The following CDH13 variants were observed in gnomAD, a reference collection of about 807,000 sequenced individuals.
The protein encoded by CDH13 is cadherin 13, also known as cadherin-13.
In CDH13, 24 loss-of-function variants were observed where a neutral mutation model predicts 63.8. The observed-to-expected ratio is 0.38, with a 90% CI of 0.27 to 0.53. The LOEUF (loss-of-function observed/expected upper bound fraction) is 0.53. Ranked by LOEUF, CDH13 falls within the 20% of genes least tolerant of loss-of-function variation. The pLI is 0.85. For missense variants in CDH13, 1,049 were observed against 903.1 expected, an observed-to-expected ratio of 1.16 and a Z score of -2.07; for synonymous variants, 503 against 355.3, an observed-to-expected ratio of 1.42 and a Z score of -4.67.
chr16:83,102,364 G>C (rs564483704), intron 3 of CDH13, among the ~76,000 whole-genome samples: 1 of 152,180 alleles, frequency 6.6e-6, no homozygotes, highest in African/African-American at 2.4e-5. Flanking sequence ...GCTATCTGGC[G>C]GAAGAGATAC....
chr16:83,457,090 G>A (rs1436130129), intron 6 of CDH13, among the ~76,000 whole-genome samples: 2 of 152,210 alleles, frequency 1.3e-5, no homozygotes, highest in Non-Finnish European at 2.9e-5. Context: ...CAGAGGCGAT[G>A]GAGGATGGAG....
At position 83,391,718 on chromosome 16, in the gene CDH13, ATTGT is replaced by A. The variant is rs1359138032; in HGVS notation, c.781+46713_781+46716del. Among the ~76,000 whole-genome samples the A allele has an allele frequency of 2.0e-3, 300 of 152,344 alleles. 1 individual carries two copies. The highest frequency in any genetic ancestry group is 6.8e-3 in the African/African-American group (283 of 41,576). On this transcript the variant is annotated intron_variant, in intron 6 of 13. Coordinates refer to ENST00000567109, the MANE Select transcript of CDH13 (RefSeq NM_001257.5). ...GCAGACGAACACAGGTCTGTTTTGC[ATTGT>A]CACCCAAGTGACATTCAGTATTGCC...
chr16:83,618,592 C>G (rs1201712816), intron 8 of CDH13, among the ~76,000 whole-genome samples: 1 of 152,086 alleles, frequency 6.6e-6, no homozygotes, highest in Non-Finnish European at 1.5e-5. Flanking sequence ...ACTAACATAG[C>G]AAGTCACAGG....
chr16:83,456,643 C>T (rs1322804212), intron 6 of CDH13, among the ~76,000 whole-genome samples: 2 of 152,098 alleles, frequency 1.3e-5, no homozygotes, highest in East Asian at 1.9e-4. Context: ...GTTTAGGAAG[C>T]AGTGAATGAT....
intron 8 of CDH13, among the ~76,000 whole-genome samples, chr16:83,627,371 G>T (rs552303134): frequency 6.6e-5 from 10 of 152,250 alleles, no homozygotes; most frequent in Admixed American, 6.5e-4. Context: ...AGACAGAGAT[G>T]AACATACATA....
rs1386481780 is a variant in CDH13, at chr16:83,334,018, C to T, written c.637-10844C>T. On this transcript the variant is annotated intron_variant, in intron 5 of 13. Coordinates refer to ENST00000567109, the MANE Select transcript of CDH13 (RefSeq NM_001257.5). ...AGGTGTCCGCAGGGCTACCTTCACT[C>T]CTGGAAGCTCTTGGGGAAAAACCCA... 2.0e-5 allele frequency among the ~76,000 whole-genome samples: 3 copies of T among 152,124 alleles called. 1 individual carries two copies. The highest frequency in any genetic ancestry group is 2.0e-4 in the Admixed American group (3 of 15,266).
At chr16:83,734,192 G>T (rs562615256) in intron 10 of CDH13, among the ~76,000 whole-genome samples, 27 of 152,230 alleles carry the variant, frequency 1.8e-4, no homozygotes, top group African/African-American at 5.8e-4. Flanking sequence ...ACCAAAGTGT[G>T]ACTCAAAACT....
intron 10 of CDH13, among the ~76,000 whole-genome samples, chr16:83,741,514 GTATATATA>G (rs386385265): frequency 2.0e-5 from 3 of 151,498 alleles, no homozygotes; most frequent in African/African-American, 7.3e-5. Context: ...GTGTGTGTGT[GTATATATA>G]TGTGTGTATA....
intron 1 of CDH13, among the ~76,000 whole-genome samples, chr16:82,847,841 G>A (rs1421298587): frequency 6.6e-6 from 1 of 150,764 alleles, no homozygotes; most frequent in African/African-American, 2.4e-5. Context: ...ACTTAGGTTA[G>A]TTTTGGCTTT....
At chr16:83,084,827 G>A (rs1402262683) in intron 3 of CDH13, among the ~76,000 whole-genome samples, 1 of 152,218 alleles carries the variant, frequency 6.6e-6, no homozygotes, top group Non-Finnish European at 1.5e-5. Flanking sequence ...GGCAGAGGTT[G>A]CAGTGAGCCG....
intron 10 of CDH13, among the ~76,000 whole-genome samples, chr16:83,742,460 A>G (rs1912159532): frequency 6.6e-6 from 1 of 152,174 alleles, no homozygotes; most frequent in Non-Finnish European, 1.5e-5. Context: ...CAAAGTTCAC[A>G]TTACAGATAA....
intron 3 of CDH13, among the ~76,000 whole-genome samples, chr16:83,117,687 CTTAG>C (rs1314601703): frequency 2.6e-5 from 4 of 152,106 alleles, no homozygotes; most frequent in Non-Finnish European, 5.9e-5. Context: ...GAATGAATGA[CTTAG>C]TTAATATGAA....
At chr16:83,567,056 A>G (rs1046729532) in intron 7 of CDH13, among the ~76,000 whole-genome samples, 2 of 152,080 alleles carry the variant, frequency 1.3e-5, no homozygotes, top group African/African-American at 4.8e-5. Flanking sequence ...CCTGTGCCTG[A>G]AATTCCTTAC....
intron 2 of CDH13, among the ~76,000 whole-genome samples, chr16:82,960,956 G>A (rs1414825422): frequency 6.6e-6 from 1 of 152,258 alleles, no homozygotes; most frequent in South Asian, 2.1e-4. Context: ...ACAAAATATG[G>A]ATAGTTTTTT....
chr16:83,505,194 C>T (rs1388635970), intron 7 of CDH13, among the ~76,000 whole-genome samples: 1 of 152,176 alleles, frequency 6.6e-6, no homozygotes. Context: ...CCTCCAGATC[C>T]CCAGGCTTCC....
At chr16:82,973,996 T>G (rs1270922787) in intron 2 of CDH13, among the ~76,000 whole-genome samples, 2 of 152,180 alleles carry the variant, frequency 1.3e-5, no homozygotes, top group African/African-American at 4.8e-5. Flanking sequence ...GATAGCTCAC[T>G]GCAACCTCTG....
chr16:82,949,219 A>AG, intron 2 of CDH13, among the ~76,000 whole-genome samples: 1 of 152,262 alleles, frequency 6.6e-6, no homozygotes, highest in Non-Finnish European at 1.5e-5. Context: ...CAGAGTGTCT[A>AG]GGGGAGGATT....
At chr16:83,506,234 A>C (rs186523454) in intron 7 of CDH13, among the ~76,000 whole-genome samples, 22 of 152,288 alleles carry the variant, frequency 1.4e-4, no homozygotes, top group Non-Finnish European at 2.2e-4. Flanking sequence ...AAGAGTATAG[A>C]CAAGCTCCTC....
At chr16:83,019,836 T>TAAAAAAAA (rs562381483) in intron 2 of CDH13, among the ~76,000 whole-genome samples, 1 of 100,822 alleles carries the variant, frequency 9.9e-6, no homozygotes, top group South Asian at 3.2e-4. Context: ...GAGTACACTC[T>TAAAAAAAA]AAAAAAAAAA....
Sources: allele counts gnomAD v4.1 joint callset (sites outside exome capture counted in the v4.1 genomes callset), GRCh38; gene constraint gnomAD v4.1.1; transcripts MANE v1.5; gene names NCBI Gene and HGNC (gene_info 2026-07-23, HGNC 2026-07-21).